The following PELI2 variants were observed in gnomAD, a reference collection of about 807,000 sequenced individuals.
PELI2 encodes E3 ubiquitin-protein ligase pellino homolog 2.
PELI2 carries 23 observed loss-of-function variants against 42.3 expected under a neutral mutation model. That is an observed-to-expected ratio of 0.54 (90% CI 0.39 to 0.77). The LOEUF (loss-of-function observed/expected upper bound fraction) is 0.77, where lower values mean the gene tolerates loss of function less well. Ranked by LOEUF, PELI2 falls within the 30% of genes least tolerant of loss-of-function variation. The pLI, the probability that PELI2 is intolerant of heterozygous loss-of-function variation, is 0.00. For synonymous variants in PELI2, 245 were observed against 212.2 expected (o/e 1.15, Z -1.34); for missense variants, 463 against 553.2 (o/e 0.84, Z 1.64).
In PELI2 at chr14:56,300,063, G is replaced by T. The variant is rs1890128209; in HGVS notation, c.*2897G>T. The T allele has an allele frequency of 6.6e-6, 1 of 152,614 alleles. No individual in the cohort carries two copies. The highest frequency in any genetic ancestry group is 2.1e-4 in the South Asian group (1 of 4,828). 9.5% of individuals were successfully genotyped at this position (152,614 alleles called of 1,614,324 possible). On this transcript the variant is annotated 3_prime_UTR_variant, in exon 6 of 6. Coordinates refer to ENST00000267460, the MANE Select transcript of PELI2 (RefSeq NM_021255.3). ...AAAAAGGGCTACAGTTCACCCTGCA[G>T]AGTATTAAGGTTTCTGGATTTTTTT... is the stretch of plus-strand genomic sequence containing the variant.
chr14:56,172,000 A>C (rs1383325703), intron 1 of PELI2, among the ~76,000 whole-genome samples: 1 of 152,090 alleles, frequency 6.6e-6, no homozygotes, highest in Non-Finnish European at 1.5e-5. Context: ...TGGGTGACAG[A>C]GGAGACTCCA....
intron 2 of PELI2, among the ~76,000 whole-genome samples, chr14:56,226,674 A>C (rs528884232): frequency 6.6e-6 from 1 of 152,304 alleles, no homozygotes; most frequent in East Asian, 1.9e-4. Flanking sequence ...ATATTCTGTG[A>C]GCTGTTGGAA....
intron 2 of PELI2, among the ~76,000 whole-genome samples, chr14:56,217,998 C>T (rs1339852112): frequency 6.6e-6 from 1 of 152,176 alleles, no homozygotes; most frequent in Non-Finnish European, 1.5e-5. Flanking sequence ...CTCCAACCAC[C>T]TCATTAAGTT....
chr14:56,232,075 T>C (rs1887596709), intron 2 of PELI2, among the ~76,000 whole-genome samples: 1 of 152,154 alleles, frequency 6.6e-6, no homozygotes, highest in African/African-American at 2.4e-5. Context: ...GTTGAACCCC[T>C]GGATAGACAA....
rs1344007410 is a variant in PELI2 at position 56,245,807 on chromosome 14, A to G, written c.208-33869A>G. Among the ~76,000 whole-genome samples, 3 of 152,260 alleles carry G rather than the reference A, an allele frequency of 2.0e-5. No individual in the cohort carries two copies. In the East Asian group the frequency reaches 5.8e-4, roughly 29 times the overall value. On this transcript the variant is annotated intron_variant, in intron 2 of 5. Coordinates refer to ENST00000267460, the MANE Select transcript of PELI2 (RefSeq NM_021255.3). ...TTTGTATTGTATATCAATAAGCATA[A>G]TAGCTATTAACATAGCATTGGCATT...
chr14:56,189,457 C>A (rs1018678091), intron 2 of PELI2, among the ~76,000 whole-genome samples: 4 of 152,202 alleles, frequency 2.6e-5, no homozygotes, highest in African/African-American at 9.7e-5. Context: ...GCTAAAGCAA[C>A]TTTCATGGCT....
Position 56,118,609 on chromosome 14 carries a change from CGCGGCGGAGGCGGCGGCGTCG to C in PELI2, c.-44_-24del. ...GCGGCGGCGCGGACTCGGCGGGGAT[CGCGGCGGAGGCGGCGGCGTCG>C]GCGGCGGCGTCGGCGGCCGAGCGGG... On this transcript the variant is annotated 5_prime_UTR_variant, in exon 1 of 6. Transcript: ENST00000267460. 1.7e-6 allele frequency: 2 copies of C among 1,183,970 alleles called. No homozygotes were observed. The highest frequency in any genetic ancestry group is 1.6e-5 in the African/African-American group (1 of 61,626). The allele number at this position is 1,183,970 out of a possible 1,614,324, so 73.3% of individuals were successfully genotyped here. A position where few individuals can be genotyped will look rare whatever the true frequency, so the allele number is the denominator to read the frequency against.
At chr14:56,128,220 G>C (rs565851003) in intron 1 of PELI2, among the ~76,000 whole-genome samples, 1 of 152,284 alleles carries the variant, frequency 6.6e-6, no homozygotes, top group Non-Finnish European at 1.5e-5. Context: ...AGGGGTGGTG[G>C]AGCCTACATA....
intron 2 of PELI2, among the ~76,000 whole-genome samples, chr14:56,181,859 TG>T (rs1885596178): frequency 3.9e-5 from 6 of 152,104 alleles, no homozygotes; most frequent in Non-Finnish European, 7.4e-5. Context: ...TGTGTGTGTG[TG>T]TGTGTGTGTG....
intron 2 of PELI2, among the ~76,000 whole-genome samples, chr14:56,182,972 G>T (rs1376724653): frequency 6.6e-6 from 1 of 152,086 alleles, no homozygotes; most frequent in African/African-American, 2.4e-5. Flanking sequence ...TCGGTGCTTC[G>T]GGAGAGTCAT....
chr14:56,229,690 T>TC (rs1285661175), intron 2 of PELI2, among the ~76,000 whole-genome samples: 1 of 151,878 alleles, frequency 6.6e-6, no homozygotes, highest in African/African-American at 2.4e-5. Flanking sequence ...GTGCCTCTTC[T>TC]CCCCCAAAGG....
intron 1 of PELI2, among the ~76,000 whole-genome samples, chr14:56,140,613 G>C (rs1400209132): frequency 2.0e-5 from 3 of 152,206 alleles, no homozygotes; most frequent in African/African-American, 7.2e-5. Context: ...AGGATCATAT[G>C]CCTCTTTAAG....
chr14:56,201,858 G>T (rs1178853915), intron 2 of PELI2, among the ~76,000 whole-genome samples: 1 of 152,102 alleles, frequency 6.6e-6, no homozygotes, highest in Non-Finnish European at 1.5e-5. Context: ...GTTAAAATAG[G>T]CTTCTTAACC....
At chr14:56,132,087 C>T (rs1296067802) in intron 1 of PELI2, among the ~76,000 whole-genome samples, 2 of 152,108 alleles carry the variant, frequency 1.3e-5, no homozygotes, top group Non-Finnish European at 2.9e-5. Context: ...TATAAAGGGG[C>T]CCAGGCTCCT....
intron 1 of PELI2, among the ~76,000 whole-genome samples, chr14:56,163,586 A>AT (rs566978200): frequency 7.0e-4 from 104 of 149,212 alleles, no homozygotes; most frequent in Middle Eastern, 3.5e-3. Flanking sequence ...ACTTTTTAGG[A>AT]TTTTTTTTTT....
At chr14:56,246,960 A>G (rs1030089306) in intron 2 of PELI2, among the ~76,000 whole-genome samples, 2 of 152,176 alleles carry the variant, frequency 1.3e-5, no homozygotes, top group African/African-American at 4.8e-5. Context: ...CCCAGTAACC[A>G]TGTGGTAGTG....
intron 1 of PELI2, among the ~76,000 whole-genome samples, chr14:56,137,062 G>A (rs1458308582): frequency 6.6e-6 from 1 of 152,148 alleles, no homozygotes; most frequent in Non-Finnish European, 1.5e-5. Context: ...GAAACAAAAT[G>A]AGTTTTCACC....
chr14:56,178,415 G>A lies in PELI2; in HGVS notation c.158G>A (p.Gly53Asp). ...CTCTACAAGCGGCCCAAGGCAAATG[G>A]TGTCAAACCCAGCACCGTCCATGTG... ...FALYKRPKAN[G>D]VKPSTVHVIS... Residue 53 changes from glycine to aspartate, a missense_variant, in exon 2 of 6, where the codon GGT (glycine) becomes GAT (aspartate). By Grantham distance (94) the Gly-to-Asp change is moderately conservative. This residue lies in a region of PELI2 where 343 missense variants were observed against 378.4 expected (regional missense o/e 0.91). Transcript: ENST00000267460. 1.2e-6 allele frequency: 2 copies of A among 1,614,196 alleles called. No individual in the cohort carries two copies. Among genetic ancestry groups the A allele is most frequent in the Non-Finnish European group, 1.7e-6 (2 of 1,180,024 alleles).
intron 1 of PELI2, among the ~76,000 whole-genome samples, chr14:56,129,956 A>G (rs1161609103): frequency 2.6e-5 from 4 of 152,110 alleles, no homozygotes; most frequent in Non-Finnish European, 4.4e-5. Context: ...TCCCATCTCA[A>G]CTTCTGCCAT....
Sources: allele counts gnomAD v4.1 joint callset (sites outside exome capture counted in the v4.1 genomes callset), GRCh38; gene constraint gnomAD v4.1.1; regional missense constraint gnomAD v4.1.1; transcripts MANE v1.5; gene names NCBI Gene and HGNC (gene_info 2026-07-23, HGNC 2026-07-21).